The following ADAMTS12 variants were observed in gnomAD, a reference collection of about 807,000 sequenced individuals.
ADAMTS12 encodes A disintegrin and metalloproteinase with thrombospondin motifs 12.
A neutral mutation model predicts 167.8 loss-of-function variants in ADAMTS12; 118 were observed. The ratio of observed to expected loss-of-function variants is 0.70; its 90% CI spans 0.61 to 0.82. The LOEUF (loss-of-function observed/expected upper bound fraction) is 0.82. ADAMTS12 is among the 40% of genes least tolerant of loss of function. ADAMTS12 has a pLI of 0.00. For synonymous variants in ADAMTS12, 704 were observed against 716.9 expected, an observed-to-expected ratio of 0.98 and a Z score of 0.29; for missense variants, 1,916 against 1,998.8, an observed-to-expected ratio of 0.96 and a Z score of 0.79.
Position 33,576,526 on chromosome 5 carries a change from T to A in ADAMTS12, c.3500A>T (p.Glu1167Val). 6.2e-7 allele frequency: 1 copy of A among 1,613,158 alleles called. No individual in the cohort carries two copies. The highest frequency in any genetic ancestry group is 1.3e-5 in the African/African-American group (1 of 75,032). ...SGSGEEREQP[E>V]DKDESNPVIW... ...TACAGGATTGCTTTCATCTTTGTCC[T>A]CAGGCTGTTCTCTTTCTTCCCCTGA... Residue 1167 changes from glutamate to valine, a missense_variant, in exon 19 of 24, where the codon GAG becomes GTG. Coordinates refer to ENST00000504830, the MANE Select transcript of ADAMTS12 (RefSeq NM_030955.4).
Position 33,577,056 on chromosome 5 carries a change from C to A in ADAMTS12, c.2970G>T (p.Leu990=), listed in dbSNP as rs747211534. 17 of 1,614,078 alleles carry A rather than the reference C, an allele frequency of 1.1e-5. No homozygotes were observed. The African/African-American group carries it at 1.9e-4, about 18-fold the overall frequency. ...TAGAAGGGCATTGCTGGAGGCCACA[C>A]AGAGCTCGGCTGTTGGGTTTCCTTG... ...DVTRKPNSRA[L]CGLQQCPSSR... The change falls in exon 19 of 24, where the codon CTG becomes CTT. Residue 990 remains leucine, a synonymous_variant. Coordinates refer to ENST00000504830, the MANE Select transcript of ADAMTS12 (RefSeq NM_030955.4).
chr5:33,741,668 G>A (rs542199753), intron 3 of ADAMTS12, among the ~76,000 whole-genome samples: 22 of 151,962 alleles, frequency 1.4e-4, no homozygotes, highest in Admixed American at 3.3e-4. Context: ...TCACTCTGTC[G>A]CCAGGCTGGA....
chr5:33,726,334 A>C (rs952592380), intron 3 of ADAMTS12, among the ~76,000 whole-genome samples: 2 of 152,190 alleles, frequency 1.3e-5, no homozygotes. Context: ...GCTCCTAAAA[A>C]AGCTCCGTGG....
At chr5:33,549,169 G>T (rs764511462) in intron 21 of ADAMTS12, 38 bp downstream of exon 21, 18 of 1,597,206 alleles carry the variant, frequency 1.1e-5, no homozygotes, top group Non-Finnish European at 1.5e-5. Flanking sequence ...GGCTTGCCAG[G>T]TTGTGTGAGG....
At chr5:33,697,338 G>A (rs529620581) in intron 3 of ADAMTS12, among the ~76,000 whole-genome samples, 1 of 152,274 alleles carries the variant, frequency 6.6e-6, no homozygotes, top group East Asian at 1.9e-4. Flanking sequence ...AGAGTGATGA[G>A]AGGCATTTAA....
intron 1 of ADAMTS12, 41 bp downstream of exon 1, chr5:33,891,686 CTTA>C (rs1230164705): frequency 6.2e-7 from 1 of 1,611,450 alleles, no homozygotes; most frequent in Non-Finnish European, 8.5e-7. Context: ...TCCCGCAAGT[CTTA>C]CCACCACTGT....
chr5:33,814,386 T>G (rs568041256), intron 2 of ADAMTS12, among the ~76,000 whole-genome samples: 68 of 152,308 alleles, frequency 4.5e-4, no homozygotes, highest in African/African-American at 1.4e-3. Flanking sequence ...GCTCCTAAAT[T>G]AAGTGATTGC....
At chr5:33,640,981 G>C (rs867322583) in intron 11 of ADAMTS12, among the ~76,000 whole-genome samples, 4 of 151,474 alleles carry the variant, frequency 2.6e-5, no homozygotes, top group African/African-American at 9.7e-5. Context: ...TTTATTGCTC[G>C]CCTTTTAAAA....
chr5:33,645,144 T>TTTATTA (rs145012036), intron 9 of ADAMTS12, among the ~76,000 whole-genome samples: 7,612 of 145,904 alleles, frequency 0.052, 212 homozygotes, highest in East Asian at 0.079. Context: ...AAATGCTTTA[T>TTTATTA]TTATTATTAT....
At chr5:33,754,692 C>T (rs1036291738) in intron 2 of ADAMTS12, among the ~76,000 whole-genome samples, 1 of 152,086 alleles carries the variant, frequency 6.6e-6, no homozygotes, top group Non-Finnish European at 1.5e-5. Context: ...CCTGTCTCCA[C>T]TAAAACTACA....
At chr5:33,648,166 A>G (rs4337860) in intron 9 of ADAMTS12, among the ~76,000 whole-genome samples, 86,054 of 152,122 alleles carry the variant, frequency 0.57, 24,997 homozygotes, top group East Asian at 0.67. Context: ...AAGGAGGTGG[A>G]ACTTTATCCT....
rs781712268 is a variant in ADAMTS12, at chr5:33,661,941, G to T, written c.1015C>A (p.His339Asn). 6.2e-7 allele frequency: 1 copy of T among 1,613,438 alleles called. No homozygotes were observed. Among genetic ancestry groups the T allele is most frequent in the Admixed American group, 1.7e-5 (1 of 59,980 alleles). The change falls in exon 6 of 24, where the codon CAC (histidine) becomes AAC (asparagine). Residue 339 changes from histidine to asparagine, a missense_variant. Coordinates refer to ENST00000504830, the MANE Select transcript of ADAMTS12 (RefSeq NM_030955.4). ...NPKSDLNPVH[H>N]DVAVLLTRKD... ...CTGGTGAGAAGGACAGCCACGTCGTGATGAACAGGATTGAGGTCACTCTTG... is the reference window on the plus strand; with the variant it reads ...CTGGTGAGAAGGACAGCCACGTCGTTATGAACAGGATTGAGGTCACTCTTG...
At chr5:33,572,405 C>G (rs1178483087) in intron 19 of ADAMTS12, among the ~76,000 whole-genome samples, 1 of 151,878 alleles carries the variant, frequency 6.6e-6, no homozygotes, top group Non-Finnish European at 1.5e-5. Context: ...CCACCATGAT[C>G]AAGTGGGCTT....
Position 33,823,015 on chromosome 5 carries a change from C to T in ADAMTS12, c.489+58104G>A, listed in dbSNP as rs544254853. 1.9e-3 allele frequency among the ~76,000 whole-genome samples: 293 copies of T among 150,986 alleles called. 1 individual carries two copies. Among genetic ancestry groups the T allele is most frequent in the African/African-American group, 6.6e-3 (273 of 41,170 alleles). On this transcript the variant is annotated intron_variant, in intron 2 of 23. Coordinates refer to ENST00000504830, the MANE Select transcript of ADAMTS12 (RefSeq NM_030955.4). The stretch of plus-strand genomic sequence containing the variant: ...CTGAGGTGGGAGGATCCTTGGAGCC[C>T]GGCAGCTTGAGGCTGCAGTGAGCTA...
chr5:33,785,315 A>T (rs1746288098), intron 2 of ADAMTS12, among the ~76,000 whole-genome samples: 1 of 152,142 alleles, frequency 6.6e-6, no homozygotes, highest in Non-Finnish European at 1.5e-5. Context: ...AAAAAATGAT[A>T]AATTGAACTT....
chr5:33,528,874 G>C (rs529473711), intron 23 of ADAMTS12, among the ~76,000 whole-genome samples: 1 of 152,158 alleles, frequency 6.6e-6, no homozygotes, highest in African/African-American at 2.4e-5. Flanking sequence ...GTGAAACCCC[G>C]TCTCTACTAA....
intron 13 of ADAMTS12, among the ~76,000 whole-genome samples, chr5:33,627,370 TTGA>T (rs1347689994): frequency 7.5e-5 from 9 of 120,434 alleles, no homozygotes; most frequent in Non-Finnish European, 1.4e-4. Context: ...GGTGGTGGTG[TTGA>T]TGGTGGTGGT....
chr5:33,727,616 T>G (rs1467537686), intron 3 of ADAMTS12, among the ~76,000 whole-genome samples: 2 of 152,208 alleles, frequency 1.3e-5, no homozygotes, highest in African/African-American at 4.8e-5. Context: ...TTCTCTTTAT[T>G]GTCACACTGG....
chr5:33,760,820 C>T (rs1334842493), intron 2 of ADAMTS12, among the ~76,000 whole-genome samples: 1 of 152,098 alleles, frequency 6.6e-6, no homozygotes, highest in Admixed American at 6.6e-5. Context: ...ACCTATCTTG[C>T]ACCCAACAAT....
Sources: gnomAD v4.1 joint callset for allele counts (sites outside exome capture counted in the v4.1 genomes callset) on GRCh38, gnomAD v4.1.1 for gene constraint, MANE v1.5 for transcripts, NCBI Gene and HGNC (gene_info 2026-07-23, HGNC 2026-07-21) for gene names.